AGBL1: variants seen among roughly 807,000 people sequenced by gnomAD.
AGBL1 encodes AGBL carboxypeptidase 1.
Under a neutral mutation model 118.9 loss-of-function variants are expected in AGBL1, and 130 were observed. The ratio of observed to expected loss-of-function variants is 1.09; its 90% CI spans 0.95 to 1.26. The LOEUF (loss-of-function observed/expected upper bound fraction) is 1.26. AGBL1 is among the 50% of genes most tolerant of loss of function. The pLI, the probability that AGBL1 is intolerant of heterozygous loss-of-function variation, is 0.00. For synonymous variants in AGBL1, 555 were observed against 478.9 expected (o/e 1.16, Z -2.08); for missense variants, 1,584 against 1,298.1 (o/e 1.22, Z -3.38).
In AGBL1 at chr15:86,548,663, G is replaced by GCACACACACA. The variant is rs61362688; in HGVS notation, c.2817+2555_2817+2564dup. On this transcript the variant is annotated intron_variant, in intron 20 of 22. Transcript: ENST00000614907. ...GATAGCCACACACACACACATGCAC[G>GCACACACACA]CACACACACACACACACACACACAC... Among the ~76,000 whole-genome samples the GCACACACACA allele has an allele frequency of 6.2e-3, 892 of 142,782 alleles. 12 individuals carry two copies. Among genetic ancestry groups the GCACACACACA allele is most frequent in the African/African-American group, 0.021 (816 of 38,598 alleles). 93.7% of individuals were successfully genotyped at this position (142,782 alleles called of 152,430 possible). A position where few individuals can be genotyped will look rare whatever the true frequency, so the allele number is the denominator to read the frequency against.
intron 22 of AGBL1, among the ~76,000 whole-genome samples, chr15:86,786,809 T>C (rs1301398756): frequency 6.6e-6 from 1 of 152,236 alleles, no homozygotes; most frequent in Non-Finnish European, 1.5e-5. Context: ...CACTAGAATT[T>C]ATGCATGTGT....
In AGBL1 at chr15:86,301,463, C is replaced by G. The variant is rs530300833; in HGVS notation, c.2374+6055C>G. 3.3e-5 allele frequency among the ~76,000 whole-genome samples: 5 copies of G among 150,838 alleles called. No homozygotes were observed. In the South Asian group the frequency reaches 8.4e-4, roughly 25 times the overall value. On this transcript the variant is annotated intron_variant, in intron 17 of 22. Transcript: ENST00000614907. The stretch of plus-strand genomic sequence containing the variant: ...GTACAGCTAAAAAAAAAATTAACTA[C>G]AAGAGCATAATGAGTTCTCTCCATG...
Position 87,015,362 on chromosome 15 carries a change from G to GTCTA in AGBL1, c.3324-13446_3324-13443dup, listed in dbSNP as rs560502659. 3.2e-3 allele frequency among the ~76,000 whole-genome samples: 494 copies of GTCTA among 152,028 alleles called. 2 individuals are homozygous for GTCTA. Among genetic ancestry groups the GTCTA allele is most frequent in the Middle Eastern group, 0.014 (4 of 294 alleles). On this transcript the variant is annotated intron_variant, in intron 24 of 24. Coordinates refer to the AGBL1 transcript ENST00000441037. Reference sequence around the variant, plus strand: ...CCCTTATCTTTCTGCCTGTCTGTCTGTCTATCTATCTATCTATCTAGTCTG... The same window carrying GTCTA: ...CCCTTATCTTTCTGCCTGTCTGTCTGTCTATCTATCTATCTATCTATCTAGTCTG...
chr15:86,779,836 C>G (rs12909115), intron 22 of AGBL1, among the ~76,000 whole-genome samples: 2 of 151,616 alleles, frequency 1.3e-5, no homozygotes, highest in African/African-American at 4.9e-5. Flanking sequence ...TGTGAAGAGC[C>G]TATTCAAACT....
intron 18 of AGBL1, among the ~76,000 whole-genome samples, chr15:86,475,926 T>A (rs1254959680): frequency 1.3e-5 from 2 of 152,198 alleles, no homozygotes; most frequent in Admixed American, 6.5e-5. Flanking sequence ...TATTTAACAT[T>A]CTTAAAGAAA....
chr15:86,614,826 C>T (rs570482457), intron 21 of AGBL1, among the ~76,000 whole-genome samples: 26 of 152,200 alleles, frequency 1.7e-4, no homozygotes, highest in East Asian at 1.2e-3. Context: ...ATCTACTGAT[C>T]GTAAGAAGAA....
At chr15:86,388,681 A>G (rs1170167316) in intron 17 of AGBL1, among the ~76,000 whole-genome samples, 1 of 152,134 alleles carries the variant, frequency 6.6e-6, no homozygotes, top group Non-Finnish European at 1.5e-5. Flanking sequence ...TTCCTCTTAA[A>G]TCTATACAGG....
chr15:86,844,408 G>C (rs1218111731), intron 22 of AGBL1, among the ~76,000 whole-genome samples: 1 of 152,120 alleles, frequency 6.6e-6, no homozygotes, highest in Non-Finnish European at 1.5e-5. Context: ...CTATTCTAGT[G>C]AGTTGTATAG....
At chr15:86,850,996 A>G (rs2079400400) in intron 22 of AGBL1, among the ~76,000 whole-genome samples, 1 of 152,198 alleles carries the variant, frequency 6.6e-6, no homozygotes, top group Non-Finnish European at 1.5e-5. Context: ...ATTTTCTGCC[A>G]TCACTTCTAT....
chr15:86,501,593 A>T (rs1431481714), intron 18 of AGBL1, among the ~76,000 whole-genome samples: 1 of 151,458 alleles, frequency 6.6e-6, no homozygotes, highest in Non-Finnish European at 1.5e-5. Context: ...TTACATTTAG[A>T]TCTATAATTG....
intron 22 of AGBL1, among the ~76,000 whole-genome samples, chr15:86,847,728 G>A (rs563495364): frequency 3.0e-4 from 46 of 152,176 alleles, no homozygotes; most frequent in African/African-American, 5.1e-4. Flanking sequence ...TTTTTTGCAC[G>A]TCCTCTTGCA....
chr15:86,766,955 C>A (rs2078105195), intron 22 of AGBL1, among the ~76,000 whole-genome samples: 1 of 151,812 alleles, frequency 6.6e-6, no homozygotes, highest in Non-Finnish European at 1.5e-5. Flanking sequence ...GGAACTATAG[C>A]TCTGACATAA....
chr15:87,018,478 T>C (rs1211604371), intron 24 of AGBL1, among the ~76,000 whole-genome samples: 7 of 151,952 alleles, frequency 4.6e-5, no homozygotes, highest in Admixed American at 4.6e-4. Flanking sequence ...TTAAAAAAAA[T>C]TTCCAACCCA....
At chr15:86,293,882 T>A (rs2079589169) in intron 16 of AGBL1, among the ~76,000 whole-genome samples, 1 of 152,148 alleles carries the variant, frequency 6.6e-6, no homozygotes, top group Non-Finnish European at 1.5e-5. Context: ...TTGGCCCTCT[T>A]AATACCTCCT....
chr15:86,636,974 T>G (rs1014883030), intron 21 of AGBL1, among the ~76,000 whole-genome samples: 1 of 151,684 alleles, frequency 6.6e-6, no homozygotes, highest in African/African-American at 2.4e-5. Context: ...AGTTCAGATT[T>G]CTTTTTAGGC....
chr15:86,337,395 A>C (rs938252578), intron 17 of AGBL1, among the ~76,000 whole-genome samples: 1 of 152,228 alleles, frequency 6.6e-6, no homozygotes, highest in Non-Finnish European at 1.5e-5. Context: ...AGAAAGATGC[A>C]TGCAGAATGT....
At chr15:86,779,993 T>A (rs575794558) in intron 22 of AGBL1, among the ~76,000 whole-genome samples, 1 of 152,246 alleles carries the variant, frequency 6.6e-6, no homozygotes, top group East Asian at 1.9e-4. Context: ...GAGTCTAATG[T>A]ACTATAACTT....
intron 3 of AGBL1, 52 bp from the exon 4 acceptor site, chr15:86,154,378 A>T: frequency 6.3e-7 from 1 of 1,585,438 alleles, no homozygotes; most frequent in Non-Finnish European, 8.6e-7. Flanking sequence ...CTCATTGTAC[A>T]ATCCAGAATC....
chr15:86,242,930 T>C (rs991193142), intron 6 of AGBL1, among the ~76,000 whole-genome samples: 1 of 152,242 alleles, frequency 6.6e-6, no homozygotes, highest in Non-Finnish European at 1.5e-5. Context: ...TAGGCTTTCC[T>C]GTTTAGACCA....
Sources: gnomAD v4.1 joint callset for allele counts (sites outside exome capture counted in the v4.1 genomes callset) on GRCh38, gnomAD v4.1.1 for gene constraint, MANE v1.5 for transcripts, NCBI Gene and HGNC (gene_info 2026-07-23, HGNC 2026-07-21) for gene names.